MGLL: variants seen among roughly 807,000 people sequenced by gnomAD.
The protein encoded by MGLL is lysophospholipase homolog.
MGLL carries 7 observed loss-of-function variants against 29.1 expected under a neutral mutation model. The observed-to-expected ratio is 0.24, with a 90% CI of 0.14 to 0.45. The LOEUF is 0.45. Among genes scored for constraint, MGLL ranks in the 20% least tolerant of loss-of-function variants. The pLI is 0.99. For synonymous variants in MGLL, 148 were observed against 168.3 expected (o/e 0.88, Z 0.93); for missense variants, 356 against 413.6 (o/e 0.86, Z 1.21).
At chr3:127,771,942 T>C (rs900129560) in intron 3 of MGLL, among the ~76,000 whole-genome samples, 3 of 152,296 alleles carry the variant, frequency 2.0e-5, no homozygotes, top group Middle Eastern at 6.8e-3. Flanking sequence ...CTGGCCTCCA[T>C]GAGGTTCTGT....
Position 127,697,354 on chromosome 3 carries a change from A to G in MGLL, c.601-2164T>C, listed in dbSNP as rs539779012. ...TTGAGTAATAAAAGTAATAATAGCT[A>G]CATCTGAGCTCTGGCTGTCTGCCCG... On this transcript the variant is annotated intron_variant, in intron 6 of 7. Coordinates refer to ENST00000265052, the MANE Select transcript of MGLL (RefSeq NM_007283.7). Among the ~76,000 whole-genome samples the G allele has an allele frequency of 6.6e-5, 10 of 152,352 alleles. No homozygotes were observed. In the South Asian group the frequency reaches 1.9e-3, roughly 28 times the overall value.
chr3:127,744,909 T>C (rs1243664831), intron 3 of MGLL, among the ~76,000 whole-genome samples: 1 of 152,258 alleles, frequency 6.6e-6, no homozygotes, highest in East Asian at 1.9e-4. Flanking sequence ...TAAACTGTGC[T>C]GTCCACGTCC....
rs924358063 is a variant in MGLL, at chr3:127,690,999, C to G, written c.*1199G>C. On this transcript the variant is annotated 3_prime_UTR_variant, in exon 8 of 8. Coordinates refer to ENST00000265052, the MANE Select transcript of MGLL (RefSeq NM_007283.7). ...ACCGAGTGCTCCATGCAGACCTGGA[C>G]AGGAAGGCCTGGCCTGCTGCTGTGC... is the stretch of plus-strand genomic sequence containing the variant. 3 of 153,004 alleles carry G rather than the reference C, an allele frequency of 2.0e-5. No individual in the cohort carries two copies. The highest frequency in any genetic ancestry group is 6.5e-5 in the Admixed American group (1 of 15,290). 9.5% of individuals were successfully genotyped at this position (153,004 alleles called of 1,614,324 possible).
chr3:127,735,998 G>T, intron 3 of MGLL: 3 of 1,419,416 alleles, frequency 2.1e-6, no homozygotes, highest in Non-Finnish European at 2.7e-6. Context: ...CACGCTAAAA[G>T]CTCCCAGGTT....
rs1307352434 is a variant in MGLL, at chr3:127,792,957, T to C, written c.156-11062A>G. ...ATCTGGTTCCCATGAAGCAGGCACA[T>C]CTGGGCAGAAACTGAAGGGTTCCAA... On this transcript the variant is annotated intron_variant, in intron 2 of 7. Coordinates refer to ENST00000265052, the MANE Select transcript of MGLL (RefSeq NM_007283.7). Among the ~76,000 whole-genome samples the C allele has an allele frequency of 8.5e-5, 13 of 152,326 alleles. No homozygotes were observed. In the South Asian group the frequency reaches 2.7e-3, roughly 32 times the overall value.
intron 3 of MGLL, among the ~76,000 whole-genome samples, chr3:127,736,819 C>T (rs183382269): frequency 1.6e-4 from 25 of 152,296 alleles, no homozygotes; most frequent in African/African-American, 5.3e-4. Flanking sequence ...CTCAGCTTCC[C>T]GAGTAACTGG....
intron 7 of MGLL, among the ~76,000 whole-genome samples, chr3:127,692,566 C>T (rs910814891): frequency 6.6e-6 from 1 of 152,336 alleles, no homozygotes; most frequent in Middle Eastern, 3.4e-3. Flanking sequence ...CCTTCCCTCA[C>T]TCCACATCTC....
At chr3:127,720,961 C>T (rs1391014835) in intron 5 of MGLL, 92 bp downstream of exon 5, 2 of 1,107,854 alleles carry the variant, frequency 1.8e-6, no homozygotes, top group Non-Finnish European at 2.7e-6. Context: ...CAAGGATGGC[C>T]TTTGGTCTTT....
chr3:127,814,470 T>C (rs1338250771), intron 2 of MGLL, among the ~76,000 whole-genome samples: 1 of 152,194 alleles, frequency 6.6e-6, no homozygotes, highest in Non-Finnish European at 1.5e-5. Flanking sequence ...GTAAAGACCA[T>C]TTCCTCCGTG....
At chr3:127,741,741 C>T (rs2076344569) in intron 3 of MGLL, among the ~76,000 whole-genome samples, 1 of 152,218 alleles carries the variant, frequency 6.6e-6, no homozygotes, top group African/African-American at 2.4e-5. Context: ...TATCTGGCTG[C>T]TACAGGAAGA....
intron 3 of MGLL, among the ~76,000 whole-genome samples, chr3:127,739,691 G>A (rs1163724606): frequency 2.6e-5 from 4 of 152,208 alleles, no homozygotes; most frequent in Non-Finnish European, 4.4e-5. Context: ...TGACCTTATG[G>A]AGGGCTTTGG....
At chr3:127,781,510 C>A (rs1030577254) in intron 3 of MGLL, among the ~76,000 whole-genome samples, 1 of 152,194 alleles carries the variant, frequency 6.6e-6, no homozygotes, top group Non-Finnish European at 1.5e-5. Context: ...TTTATAAATG[C>A]AGGAAAGAAT....
chr3:127,808,004 C>A (rs1349085746), intron 2 of MGLL, among the ~76,000 whole-genome samples: 1 of 152,026 alleles, frequency 6.6e-6, no homozygotes, highest in African/African-American at 2.4e-5. Flanking sequence ...TCGTGATCCA[C>A]CCGCCTCGGC....
At chr3:127,747,363 T>C (rs1164108160) in intron 3 of MGLL, among the ~76,000 whole-genome samples, 1 of 152,196 alleles carries the variant, frequency 6.6e-6, no homozygotes, top group African/African-American at 2.4e-5. Context: ...ACCCCCAGCC[T>C]TCTCCTGTGT....
chr3:127,697,502 T>C (rs948871533), intron 6 of MGLL, among the ~76,000 whole-genome samples: 5 of 152,184 alleles, frequency 3.3e-5, no homozygotes, highest in African/African-American at 9.6e-5. Context: ...CTTGTCAACC[T>C]GCCTGCTGTT....
intron 3 of MGLL, chr3:127,736,240 C>T: frequency 1.0e-6 from 1 of 957,630 alleles, no homozygotes; most frequent in South Asian, 4.8e-5. Flanking sequence ...AAGCAAATTG[C>T]TTTAAAAAAA....
chr3:127,716,007 A>AC, intron 5 of MGLL: 1 of 358,552 alleles, frequency 2.8e-6, no homozygotes, highest in South Asian at 2.1e-5. Flanking sequence ...TTGAGGTGAG[A>AC]CCCCCCGCAC....
chr3:127,746,983 A>G (rs1382784340), intron 3 of MGLL, among the ~76,000 whole-genome samples: 2 of 152,178 alleles, frequency 1.3e-5, no homozygotes, highest in Admixed American at 6.5e-5. Flanking sequence ...CAAGTGACTC[A>G]GCCCTGTTCT....
intron 2 of MGLL, among the ~76,000 whole-genome samples, chr3:127,801,826 T>C (rs1409784742): frequency 6.7e-6 from 1 of 148,592 alleles, no homozygotes; most frequent in East Asian, 1.9e-4. Flanking sequence ...AATATTTATA[T>C]ATATAATTTT....
Sources: allele counts gnomAD v4.1 joint callset (sites outside exome capture counted in the v4.1 genomes callset), GRCh38; gene constraint gnomAD v4.1.1; transcripts MANE v1.5; gene names NCBI Gene and HGNC (gene_info 2026-07-23, HGNC 2026-07-21).